The following KIF1A variants were observed in gnomAD, a reference collection of about 807,000 sequenced individuals.
KIF1A encodes kinesin family member 1A.
Under a neutral mutation model 227.3 loss-of-function variants are expected in KIF1A, and 46 were observed. That is an observed-to-expected ratio of 0.20 (90% CI 0.16 to 0.26). KIF1A has a LOEUF of 0.26. Among genes scored for constraint, KIF1A ranks in the 10% least tolerant of loss-of-function variants. The pLI is 1.00. For missense variants in KIF1A, 1,683 were observed against 2,485.9 expected (o/e 0.68, Z 6.87); for synonymous variants, 1,022 against 1,012.8 (o/e 1.01, Z -0.17).
chr2:240,720,163 G>A (rs1472019888), intron 45 of KIF1A: 5 of 413,014 alleles, frequency 1.2e-5, no homozygotes, highest in Non-Finnish European at 1.7e-5. Context: ...GAACCTCGGG[G>A]CCCAGCCAGG....
At position 240,759,710 on chromosome 2, in the gene KIF1A, C is replaced by A. The variant is rs148470247; in HGVS notation, c.2444+955G>T. ...CCTCACATGGTGACTCAGTCACCCC[C>A]GTAACTTGAGGCCTGGCTGGGTGCA... On this transcript the variant is annotated intron_variant, in intron 25 of 48. Coordinates refer to ENST00000498729, the MANE Select transcript of KIF1A (RefSeq NM_001244008.2). 5.0e-3 allele frequency among the ~76,000 whole-genome samples: 754 copies of A among 152,284 alleles called. 6 individuals are homozygous for A. Among genetic ancestry groups the A allele is most frequent in the South Asian group, 0.031 (148 of 4,832 alleles).
At position 240,750,022 on chromosome 2, in the gene KIF1A, CAGCA is replaced by C. The variant is rs2049030342; in HGVS notation, c.2977+403_2977+406del. Among the ~76,000 whole-genome samples, 3 of 152,256 alleles carry C rather than the reference CAGCA, an allele frequency of 2.0e-5. No homozygotes were observed. The South Asian group carries it at 6.2e-4, about 32-fold the overall frequency. ...GTGTTGACAGAGAGCACTTGCTCTG[CAGCA>C]GGCTGGGGGAGGGATCCAGGTGGTC... On this transcript the variant is annotated intron_variant, in intron 28 of 48. Transcript: ENST00000498729.
intron 1 of KIF1A, among the ~76,000 whole-genome samples, chr2:240,812,916 CGGGG>C (rs2058015420): frequency 2.0e-5 from 3 of 148,090 alleles, no homozygotes; most frequent in African/African-American, 5.0e-5. Flanking sequence ...GCCTTCACCT[CGGGG>C]ATCAGCCTTC....
At chr2:240,744,323 C>T (rs1009670263) in intron 32 of KIF1A, among the ~76,000 whole-genome samples, 1 of 152,146 alleles carries the variant, frequency 6.6e-6, no homozygotes, top group Admixed American at 6.5e-5. Context: ...GCTGCCCTTT[C>T]AGAACACGGA....
At chr2:240,795,379 C>T (rs2126134173) in intron 2 of KIF1A, among the ~76,000 whole-genome samples, 1 of 152,350 alleles carries the variant, frequency 6.6e-6, no homozygotes, top group East Asian at 1.9e-4. Flanking sequence ...AGATATGGCT[C>T]CGGCCTCTGG....
chr2:240,763,005 G>C lies in KIF1A; in HGVS notation c.2022+14C>G. ...GTGGGGGCTGGGCAGGGAGGGCGGG[G>C]CCACGTCACTCACCAGCCGCTGCTG... On this transcript the variant is annotated intron_variant, in intron 22 of 48. Coordinates refer to ENST00000498729, the MANE Select transcript of KIF1A (RefSeq NM_001244008.2). 1 of 1,479,802 alleles carries C rather than the reference G, an allele frequency of 6.8e-7. No homozygotes were observed. The highest frequency in any genetic ancestry group is 9.0e-7 in the Non-Finnish European group (1 of 1,116,038). 91.7% of individuals were successfully genotyped at this position (1,479,802 alleles called of 1,614,324 possible).
At chr2:240,776,614 CTG>C (rs1198414457) in intron 10 of KIF1A, among the ~76,000 whole-genome samples, 1 of 152,268 alleles carries the variant, frequency 6.6e-6, no homozygotes, top group Non-Finnish European at 1.5e-5. Flanking sequence ...GACAGACACT[CTG>C]TGACTGACTT....
In KIF1A at chr2:240,763,037, C is replaced by A; in HGVS notation, c.2004G>T (p.Leu668=). ...CACTCACCAGCCGCTGCTGCTCCAGCAGGTAGGTGGCCTCCTCCCGCTCGC... is the reference window on the plus strand; with the variant it reads ...CACTCACCAGCCGCTGCTGCTCCAGAAGGTAGGTGGCCTCCTCCCGCTCGC... ...YRREREEATY[L]LEQQRLDYES... Residue 668 remains leucine, a synonymous_variant, in exon 22 of 49, where the codon CTG becomes CTT. Transcript: ENST00000498729. 6.6e-7 allele frequency: 1 copy of A among 1,522,484 alleles called. No individual in the cohort carries two copies. The highest frequency in any genetic ancestry group is 2.3e-5 in the East Asian group (1 of 43,106). 94.3% of individuals were successfully genotyped at this position (1,522,484 alleles called of 1,614,324 possible). A position where few individuals can be genotyped will look rare whatever the true frequency, so the allele number is the denominator to read the frequency against.
intron 9 of KIF1A, 25 bp from the exon 10 acceptor site, chr2:240,782,632 G>A (rs1028294712): frequency 1.3e-6 from 2 of 1,548,998 alleles, no homozygotes; most frequent in African/African-American, 2.7e-5. Context: ...ACAGAGAGAG[G>A]CTGAGGCCCG....
At chr2:240,728,503 A>C in intron 38 of KIF1A, 1 of 859,766 alleles carries the variant, frequency 1.2e-6, no homozygotes, top group Non-Finnish European at 1.7e-6. Context: ...CAGGGCAGAA[A>C]ACTTAAGAGT....
At chr2:240,784,776 C>A (rs1197192097) in intron 7 of KIF1A, among the ~76,000 whole-genome samples, 1 of 151,990 alleles carries the variant, frequency 6.6e-6, no homozygotes, top group Non-Finnish European at 1.5e-5. Context: ...CTGGCCTGGT[C>A]CATGGAGAAT....
At chr2:240,728,636 G>A (rs892111539) in intron 38 of KIF1A, among the ~76,000 whole-genome samples, 1 of 152,262 alleles carries the variant, frequency 6.6e-6, no homozygotes, top group Non-Finnish European at 1.5e-5. Flanking sequence ...GGGGTCTGCA[G>A]TGAGAGCCTT....
chr2:240,762,562 G>A (rs1373120735), intron 23 of KIF1A, among the ~76,000 whole-genome samples, 157 bp downstream of exon 23: 3 of 152,156 alleles, frequency 2.0e-5, no homozygotes, highest in Non-Finnish European at 4.4e-5. Context: ...CTGCTTCCAC[G>A]GTGCTTCCCA....
Position 240,725,349 on chromosome 2 carries a change from T to G in KIF1A, c.4178A>C (p.Tyr1393Ser). The G allele has an allele frequency of 6.2e-7, 1 of 1,612,176 alleles. No homozygotes were observed. Among genetic ancestry groups the G allele is most frequent in the Non-Finnish European group, 8.5e-7 (1 of 1,179,664 alleles). The change falls in exon 40 of 49, where the codon TAT (tyrosine) becomes TCT (serine). Residue 1393 changes from tyrosine to serine, a missense_variant. This residue lies in a region of KIF1A where 759 missense variants were observed against 1,020.2 expected (regional missense o/e 0.74). Transcript: ENST00000498729. This position sits in a 1 kb window ranked among gnomAD's most constrained non-coding sequence, Gnocchi z 5.8. ...VVTKDFCMVF[Y>S]SRDAKLPASR... ...GGCTGGCAGCTTGGCATCACGGGAATAGAAGACCATGCAGAAGTCCTTGGT... is the reference window on the plus strand; with the variant it reads ...GGCTGGCAGCTTGGCATCACGGGAAGAGAAGACCATGCAGAAGTCCTTGGT...
chr2:240,757,445 TCC>T lies in KIF1A; in HGVS notation c.2730_2731del (p.Glu911GlyfsTer8). The T allele has an allele frequency of 6.5e-7, 1 of 1,549,248 alleles. No individual in the cohort carries two copies. The highest frequency in any genetic ancestry group is 8.7e-7 in the Non-Finnish European group (1 of 1,146,436). ...CTCATCCTCCTCCTCCTCCTCCTCC[TCC>T]TCCTCCTCCCCCACGCTCTGCTCCT... On this transcript the variant is annotated frameshift_variant, in exon 27 of 49. Coordinates refer to ENST00000498729, the MANE Select transcript of KIF1A (RefSeq NM_001244008.2). LOFTEE classifies it high-confidence loss of function. The surrounding 1 kb of genome is among the most constrained non-coding windows in gnomAD (Gnocchi z 6.2).
At chr2:240,807,132 A>G (rs201071771) in intron 1 of KIF1A, among the ~76,000 whole-genome samples, 4,940 of 43,502 alleles carry the variant, frequency 0.11, 90 homozygotes, top group African/African-American at 0.17. Context: ...GTGTGTGTGT[A>G]TATATATATA....
Position 240,789,720 on chromosome 2 carries a change from C to T in KIF1A, c.107-408G>A, listed in dbSNP as rs2055420155. On this transcript the variant is annotated intron_variant, in intron 2 of 48. Coordinates refer to ENST00000498729, the MANE Select transcript of KIF1A (RefSeq NM_001244008.2). The surrounding 1 kb of genome is among the most constrained non-coding windows in gnomAD (Gnocchi z 4.8). ...CTCAGGCCTTTATGCTCCGGCTCAG[C>T]GTGCACGTGCCCGAGAAGCGCTGGA... 6.6e-6 allele frequency among the ~76,000 whole-genome samples: 1 copy of T among 152,204 alleles called. No individual in the cohort carries two copies. Among genetic ancestry groups the T allele is most frequent in the Non-Finnish European group, 1.5e-5 (1 of 68,026 alleles).
chr2:240,800,055 T>C (rs1326374460), intron 1 of KIF1A, among the ~76,000 whole-genome samples: 1 of 151,330 alleles, frequency 6.6e-6, no homozygotes, highest in African/African-American at 2.4e-5. Context: ...GCTACAATGA[T>C]TTCCAAAGTC....
rs549721180 is a variant in KIF1A, at chr2:240,725,022, C to A, written c.4256+249G>T. ...CCCTGGGCCTGCCCCTCCTCCCATCCGCTGCAGGCTGGCCCTCAAGTCCCT... is the reference window on the plus strand; with the variant it reads ...CCCTGGGCCTGCCCCTCCTCCCATCAGCTGCAGGCTGGCCCTCAAGTCCCT... On this transcript the variant is annotated intron_variant, in intron 40 of 48. Transcript: ENST00000498729. The surrounding 1 kb of genome is among the most constrained non-coding windows in gnomAD (Gnocchi z 5.8). Among the ~76,000 whole-genome samples the A allele has an allele frequency of 2.0e-5, 3 of 151,354 alleles. No homozygotes were observed. Among genetic ancestry groups the A allele is most frequent in the African/African-American group, 7.3e-5 (3 of 41,196 alleles).
Sources: gnomAD v4.1 joint callset for allele counts (sites outside exome capture counted in the v4.1 genomes callset) on GRCh38, gnomAD v4.1.1 for gene constraint, gnomAD v4.1.1 regional missense constraint, Gnocchi (gnomAD v3.1) non-coding constraint, MANE v1.5 for transcripts, NCBI Gene and HGNC (gene_info 2026-07-23, HGNC 2026-07-21) for gene names.